Variants in MACROH2A1 observed in about 807,000 individuals in gnomAD.
MACROH2A1 encodes macroH2A.1 histone, also known as core histone macro-H2A.1.
A neutral mutation model predicts 31.6 loss-of-function variants in MACROH2A1; 2 were observed. The observed-to-expected ratio is 0.06, with a 90% CI of 0.03 to 0.20. The LOEUF (loss-of-function observed/expected upper bound fraction) is 0.20, where lower values mean the gene tolerates loss of function less well. MACROH2A1 is among the 10% of genes least tolerant of loss of function. The pLI, the probability that MACROH2A1 is intolerant of heterozygous loss-of-function variation, is 1.00. For synonymous variants in MACROH2A1, 169 were observed against 189.6 expected, an observed-to-expected ratio of 0.89 and a Z score of 0.89; for missense variants, 230 against 474.0, an observed-to-expected ratio of 0.49 and a Z score of 4.78.
chr5:135,376,407 A>G (rs767477619), intron 2 of MACROH2A1, among the ~76,000 whole-genome samples: 12 of 152,202 alleles, frequency 7.9e-5, no homozygotes, highest in Admixed American at 2.0e-4. Context: ...TAAAAAATAA[A>G]TAAGTTTACA....
rs761148271 is a variant in MACROH2A1, at chr5:135,337,970, T to C, written c.954-2829A>G. The C allele has an allele frequency of 2.5e-6, 3 of 1,215,770 alleles. No homozygotes were observed. The South Asian group carries it at 4.4e-5, about 18-fold the overall frequency. 75.3% of individuals were successfully genotyped at this position (1,215,770 alleles called of 1,614,324 possible). A position where few individuals can be genotyped will look rare whatever the true frequency, so the allele number is the denominator to read the frequency against. ...AGGAAGAAACCCTGCTATGGGACTG[T>C]GGCTGCTCTGGACTGCGCAGGCTGC... On this transcript the variant is annotated intron_variant, in intron 8 of 8. Transcript: ENST00000511689.
At chr5:135,367,500 A>G (rs1763656387) in intron 4 of MACROH2A1, among the ~76,000 whole-genome samples, 1 of 152,250 alleles carries the variant, frequency 6.6e-6, no homozygotes, top group African/African-American at 2.4e-5. Flanking sequence ...TCAAGTCCAA[A>G]AAGTAAGATG....
chr5:135,383,729 G>A (rs545215054), intron 2 of MACROH2A1, among the ~76,000 whole-genome samples: 23 of 147,174 alleles, frequency 1.6e-4, no homozygotes, highest in African/African-American at 5.9e-4. Context: ...GTGTGTGTGT[G>A]TGTGTGTGTG....
chr5:135,358,776 G>A, intron 5 of MACROH2A1: 1 of 978,868 alleles, frequency 1.0e-6, no homozygotes, highest in Non-Finnish European at 1.2e-6. Context: ...CCAACTCTGA[G>A]TAGGGAACAG....
chr5:135,369,142 A>G lies in MACROH2A1; in HGVS notation c.477+264T>C, dbSNP rs544930889. 1.3e-5 allele frequency among the ~76,000 whole-genome samples: 2 copies of G among 152,236 alleles called. No homozygotes were observed. The highest frequency in any genetic ancestry group is 6.5e-5 in the Admixed American group (1 of 15,296). On this transcript the variant is annotated intron_variant, in intron 4 of 8. Coordinates refer to ENST00000511689, the MANE Select transcript of MACROH2A1 (RefSeq NM_138610.3). The surrounding 1 kb of genome is among the most constrained non-coding windows in gnomAD (Gnocchi z 4.3). ...AGCTTGGGAGTCCTTCCAGCTTGAC[A>G]CTATCCCTGAAAGCCCACCACCCAT...
At chr5:135,348,142 AG>A (rs1761081932) in intron 6 of MACROH2A1, among the ~76,000 whole-genome samples, 1 of 152,240 alleles carries the variant, frequency 6.6e-6, no homozygotes, top group African/African-American at 2.4e-5. Flanking sequence ...CAATCAACCC[AG>A]TCAGGACTTG....
chr5:135,370,899 T>C (rs1490456388), intron 2 of MACROH2A1, among the ~76,000 whole-genome samples: 1 of 152,218 alleles, frequency 6.6e-6, no homozygotes, highest in Non-Finnish European at 1.5e-5. Context: ...AATAATGGTA[T>C]TGCCATTCTG....
At chr5:135,354,392 A>G (rs1489943528) in intron 5 of MACROH2A1, 1 of 152,318 alleles carries the variant, frequency 6.6e-6, no homozygotes, top group Non-Finnish European at 1.5e-5. Context: ...CTCTGGGAGG[A>G]AACAGTTGTG....
chr5:135,376,521 T>C (rs910120362), intron 2 of MACROH2A1, among the ~76,000 whole-genome samples: 2 of 152,346 alleles, frequency 1.3e-5, no homozygotes, highest in Admixed American at 1.3e-4. Context: ...TCAGGAAGTT[T>C]TCCTCTGCCT....
At chr5:135,390,652 C>T (rs1356163134) in intron 1 of MACROH2A1, among the ~76,000 whole-genome samples, 2 of 152,168 alleles carry the variant, frequency 1.3e-5, no homozygotes, top group Non-Finnish European at 2.9e-5. Flanking sequence ...AAACTGACGT[C>T]ACACTCCATG....
At chr5:135,345,085 C>T (rs748923498) in intron 7 of MACROH2A1, 1 of 152,218 alleles carries the variant, frequency 6.6e-6, no homozygotes, top group African/African-American at 2.4e-5. Context: ...ATAATTACTA[C>T]CCTGTATGTC....
chr5:135,394,082 CTGTG>C (rs1767626615), intron 1 of MACROH2A1, among the ~76,000 whole-genome samples: 1 of 152,156 alleles, frequency 6.6e-6, no homozygotes, highest in Non-Finnish European at 1.5e-5. Context: ...GAACAACAAG[CTGTG>C]TACTACTAGG....
intron 8 of MACROH2A1, among the ~76,000 whole-genome samples, chr5:135,340,932 C>T (rs552664615): frequency 2.0e-5 from 3 of 152,330 alleles, no homozygotes; most frequent in African/African-American, 7.2e-5. Flanking sequence ...ATTTCCCCCT[C>T]TTCAAGCTTT....
At chr5:135,344,340 A>G (rs990824714) in intron 7 of MACROH2A1, 3 of 152,058 alleles carry the variant, frequency 2.0e-5, no homozygotes, top group Admixed American at 2.0e-4. Flanking sequence ...TAAAACATCC[A>G]AACTTTTTGT....
intron 2 of MACROH2A1, among the ~76,000 whole-genome samples, chr5:135,380,696 C>T (rs575209333): frequency 6.6e-6 from 1 of 152,142 alleles, no homozygotes; most frequent in Non-Finnish European, 1.5e-5. Context: ...AGATCTTGGC[C>T]CAAATATAAA....
At chr5:135,387,018 G>T (rs1411996274) in intron 2 of MACROH2A1, among the ~76,000 whole-genome samples, 1 of 152,218 alleles carries the variant, frequency 6.6e-6, no homozygotes, top group Admixed American at 6.5e-5. Flanking sequence ...AGGGACAGTT[G>T]ACTCCATTTG....
intron 8 of MACROH2A1, among the ~76,000 whole-genome samples, chr5:135,342,124 G>A (rs1260147057): frequency 6.6e-6 from 1 of 152,204 alleles, no homozygotes; most frequent in Non-Finnish European, 1.5e-5. Flanking sequence ...GCCTTCCAGA[G>A]GCCTTGGACT....
intron 1 of MACROH2A1, among the ~76,000 whole-genome samples, chr5:135,396,598 A>G: frequency 6.6e-6 from 1 of 151,794 alleles, no homozygotes; most frequent in Non-Finnish European, 1.5e-5. Context: ...TTGCCCAGCC[A>G]TCTCCTGCTT....
Position 135,398,717 on chromosome 5 carries a change from C to T in MACROH2A1, c.-34+345G>A, listed in dbSNP as rs1247981883. ...CCGCGGGGCCTCCTGCGGCCTCGGG[C>T]CTGGCCCGTGAGCCCGCCCCAGGAA... On this transcript the variant is annotated intron_variant, in intron 1 of 8. Coordinates refer to ENST00000511689, the MANE Select transcript of MACROH2A1 (RefSeq NM_138610.3). The surrounding 1 kb of genome is among the most constrained non-coding windows in gnomAD (Gnocchi z 4.6). Among the ~76,000 whole-genome samples the T allele has an allele frequency of 6.6e-6, 1 of 152,216 alleles. No individual in the cohort carries two copies. The highest frequency in any genetic ancestry group is 1.5e-5 in the Non-Finnish European group (1 of 68,038).
Sources: allele counts gnomAD v4.1 joint callset (sites outside exome capture counted in the v4.1 genomes callset), GRCh38; gene constraint gnomAD v4.1.1; non-coding constraint Gnocchi (gnomAD v3.1); transcripts MANE v1.5; gene names NCBI Gene and HGNC (gene_info 2026-07-23, HGNC 2026-07-21).